GTF2A2: variants seen among roughly 807,000 people sequenced by gnomAD.
GTF2A2 encodes the protein transcription initiation factor IIA subunit 2.
Under a neutral mutation model 14.3 loss-of-function variants are expected in GTF2A2, and 9 were observed. That is an observed-to-expected ratio of 0.63 (90% CI 0.38 to 1.10). The LOEUF is 1.10. Ranked by LOEUF, GTF2A2 falls within the 50% of genes least tolerant of loss-of-function variation. The probability of loss-of-function intolerance (pLI) is 0.01; values close to 1 mark genes in which losing one functional copy is unlikely to be tolerated. For missense variants in GTF2A2, 90 were observed against 124.6 expected, an observed-to-expected ratio of 0.72 and a Z score of 1.32; for synonymous variants, 56 against 46.0, an observed-to-expected ratio of 1.22 and a Z score of -0.88.
chr15:59,647,426 A>C (rs945831387), intron 3 of GTF2A2, among the ~76,000 whole-genome samples: 1 of 151,984 alleles, frequency 6.6e-6, no homozygotes, highest in Non-Finnish European at 1.5e-5. Context: ...GTAATTTTAG[A>C]TTTATTCTTT....
At chr15:59,646,384 C>CTTT (rs1169064568) in intron 3 of GTF2A2, among the ~76,000 whole-genome samples, 1 of 152,142 alleles carries the variant, frequency 6.6e-6, no homozygotes, top group East Asian at 1.9e-4. Flanking sequence ...AATGTGTAGT[C>CTTT]TTTTATCCCT....
Position 59,642,188 on chromosome 15 carries a change from C to T in GTF2A2, c.252G>A (p.Val84=). ...FVLNDVEFRE[V]TELIKVDKVK... ...CTTTATCCACTTTAATAAGTTCTGT[C>T]ACCTCTCTGAATTCAACATCATTCA... The change falls in exon 4 of 5, where the codon GTG becomes GTA. Residue 84 remains valine (V), a synonymous_variant. Transcript: ENST00000396060. 4 of 1,610,442 alleles carry T rather than the reference C, an allele frequency of 2.5e-6. No individual in the cohort carries two copies. Among genetic ancestry groups the T allele is most frequent in the South Asian group, 1.1e-5 (1 of 90,552 alleles).
Position 59,639,036 on chromosome 15 carries a change from TCTGCAATTCTAGA to T in GTF2A2, c.*83_*95del. ...TCTGGTATAGCACAGTGTAGTCATT[TCTGCAATTCTAGA>T]ATAAATAAAAAGTCTCTTCTATGCT... On this transcript the variant is annotated 3_prime_UTR_variant, in exon 5 of 5. Coordinates refer to ENST00000396060, the MANE Select transcript of GTF2A2 (RefSeq NM_004492.3). 1.3e-6 allele frequency: 1 copy of T among 770,078 alleles called. No individual in the cohort carries two copies. The highest frequency in any genetic ancestry group is 2.5e-5 in the East Asian group (1 of 39,586). The allele number at this position is 770,078 out of a possible 1,614,324, so 47.7% of individuals were successfully genotyped here.
rs577000487 is a variant in GTF2A2, at chr15:59,642,912, G to A, written c.178-650C>T. Among the ~76,000 whole-genome samples, 13 of 151,974 alleles carry A rather than the reference G, an allele frequency of 8.6e-5. No homozygotes were observed. In the South Asian group the frequency reaches 2.3e-3, roughly 27 times the overall value. ...CTCCCAAGTAGCTGGGACTACAGGTGCCTGCCACCACGCCCAGCTAGTTTT... is the reference window on the plus strand; with the variant it reads ...CTCCCAAGTAGCTGGGACTACAGGTACCTGCCACCACGCCCAGCTAGTTTT... On this transcript the variant is annotated intron_variant, in intron 3 of 4. Coordinates refer to ENST00000396060, the MANE Select transcript of GTF2A2 (RefSeq NM_004492.3).
intron 4 of GTF2A2, 53 bp from the exon 5 acceptor site, chr15:59,639,210 T>C (rs1891298474): frequency 1.8e-6 from 2 of 1,095,146 alleles, no homozygotes; most frequent in Non-Finnish European, 2.8e-6. Context: ...GCAATTTAAT[T>C]TTACAATTAA....
intron 3 of GTF2A2, among the ~76,000 whole-genome samples, chr15:59,645,312 G>C (rs1391061378): frequency 7.9e-5 from 12 of 152,166 alleles, no homozygotes; most frequent in Admixed American, 6.5e-4. Context: ...CCAGAGGGTT[G>C]GATGAGACCA....
chr15:59,640,864 G>GA (rs1891395228), intron 4 of GTF2A2, among the ~76,000 whole-genome samples: 1 of 3,600 alleles, frequency 2.8e-4, no homozygotes, highest in Admixed American at 5.4e-3. Context: ...ATTGTTCCTT[G>GA]CTGTAATGAC....
rs1891924300 is a variant in GTF2A2 at position 59,655,749 on chromosome 15, CTATT to C, written c.-50+1653_-50+1656del. The stretch of plus-strand genomic sequence containing the variant: ...GAATCTAGCTGCCTACTCAACATCT[CTATT>C]TGTTATCTTTTGCATCGTGGCTTAA... On this transcript the variant is annotated intron_variant, in intron 1 of 4. Transcript: ENST00000396060. 2.0e-5 allele frequency among the ~76,000 whole-genome samples: 3 copies of C among 152,304 alleles called. No individual in the cohort carries two copies. The South Asian group carries it at 6.2e-4, about 32-fold the overall frequency.
chr15:59,639,308 T>TG, intron 4 of GTF2A2, 151 bp from the exon 5 acceptor site: 1 of 638,500 alleles, frequency 1.6e-6, no homozygotes, highest in Non-Finnish European at 2.9e-6. Context: ...AAGGTGACAC[T>TG]GTAAATATGT....
intron 3 of GTF2A2, among the ~76,000 whole-genome samples, chr15:59,643,489 T>C (rs1282782919): frequency 6.6e-6 from 1 of 151,990 alleles, no homozygotes. Context: ...AGTGCTGAGA[T>C]TACAGGCGTG....
intron 3 of GTF2A2, among the ~76,000 whole-genome samples, chr15:59,644,767 T>A (rs762342977): frequency 1.6e-4 from 25 of 152,128 alleles, no homozygotes; most frequent in Non-Finnish European, 2.6e-4. Flanking sequence ...ACACTTGGAA[T>A]GGGGTGGTTG....
At position 59,650,662 on chromosome 15, in the gene GTF2A2, T is replaced by C; in HGVS notation, c.177+7A>G. The C allele has an allele frequency of 6.7e-7, 1 of 1,496,500 alleles. No homozygotes were observed. 92.7% of individuals were successfully genotyped at this position (1,496,500 alleles called of 1,614,324 possible). ...ACAGGCTTCTAGATTCAGGAAAATA[T>C]CCTTACCCTGAAATTGACTCTGTTC... On this transcript the variant is annotated splice_region_variant and intron_variant, in intron 3 of 4. Coordinates refer to ENST00000396060, the MANE Select transcript of GTF2A2 (RefSeq NM_004492.3).
At chr15:59,639,547 G>GC (rs1169449822) in intron 4 of GTF2A2, among the ~76,000 whole-genome samples, 8 of 144,224 alleles carry the variant, frequency 5.5e-5, no homozygotes, top group Middle Eastern at 4.0e-3. Context: ...TGCAGGCTCT[G>GC]CCCCCCGGGG....
intron 4 of GTF2A2, among the ~76,000 whole-genome samples, chr15:59,641,773 G>T (rs1465487099): frequency 6.6e-6 from 1 of 151,996 alleles, no homozygotes; most frequent in Non-Finnish European, 1.5e-5. Context: ...TAAATATATG[G>T]GTCTCCAGCA....
chr15:59,644,135 T>A (rs1376449033), intron 3 of GTF2A2, among the ~76,000 whole-genome samples: 4 of 152,190 alleles, frequency 2.6e-5, no homozygotes, highest in Non-Finnish European at 5.9e-5. Context: ...CCTCAGGTGA[T>A]CTGCCCACCT....
intron 1 of GTF2A2, among the ~76,000 whole-genome samples, chr15:59,655,634 C>A (rs926714874): frequency 1.3e-5 from 2 of 152,338 alleles, no homozygotes; most frequent in Middle Eastern, 3.4e-3. Context: ...TCCGTCTACA[C>A]CCATTCCTTA....
chr15:59,641,248 TATAC>T (rs1427857070), intron 4 of GTF2A2, among the ~76,000 whole-genome samples: 1 of 151,120 alleles, frequency 6.6e-6, no homozygotes, highest in Non-Finnish European at 1.5e-5. Context: ...AATGTCTACA[TATAC>T]ATACATTTTT....
In GTF2A2 at chr15:59,638,556, GA is replaced by G. The variant is rs1313744063; in HGVS notation, c.*575del. 6.6e-6 allele frequency: 1 copy of G among 152,110 alleles called. No individual in the cohort carries two copies. Among genetic ancestry groups the G allele is most frequent in the Non-Finnish European group, 1.5e-5 (1 of 68,168 alleles). 9.4% of individuals were successfully genotyped at this position (152,110 alleles called of 1,614,324 possible). ...TCCTCATGTTACCTGGTCTAAGAAGGAAAGTTTTTTGGTTTTGTTTTTGCTA... is the reference window on the plus strand; with the variant it reads ...TCCTCATGTTACCTGGTCTAAGAAGGAAGTTTTTTGGTTTTGTTTTTGCTA... On this transcript the variant is annotated 3_prime_UTR_variant, in exon 5 of 5. Transcript: ENST00000396060.
At chr15:59,647,797 T>C (rs1891654989) in intron 3 of GTF2A2, among the ~76,000 whole-genome samples, 1 of 152,132 alleles carries the variant, frequency 6.6e-6, no homozygotes, top group South Asian at 2.1e-4. Flanking sequence ...CTCAAATTCC[T>C]GACCTCAAGT....
Sources: gnomAD v4.1 joint callset for allele counts (sites outside exome capture counted in the v4.1 genomes callset) on GRCh38, gnomAD v4.1.1 for gene constraint, MANE v1.5 for transcripts, NCBI Gene and HGNC (gene_info 2026-07-23, HGNC 2026-07-21) for gene names.